ZBTB7C: variants seen among roughly 807,000 people sequenced by gnomAD.
ZBTB7C encodes zinc finger and BTB domain-containing protein 7C.
ZBTB7C carries 8 observed loss-of-function variants against 25.7 expected under a neutral mutation model. The observed-to-expected ratio is 0.31, with a 90% CI of 0.18 to 0.56. ZBTB7C has a LOEUF of 0.56. ZBTB7C is among the 20% of genes least tolerant of loss of function. The pLI is 0.91. For missense variants in ZBTB7C, 824 were observed against 855.2 expected (o/e 0.96, Z 0.46); for synonymous variants, 394 against 369.0 (o/e 1.07, Z -0.78).
intron 2 of ZBTB7C, among the ~76,000 whole-genome samples, chr18:48,261,559 A>G (rs1044394896): frequency 1.2e-4 from 19 of 152,214 alleles, no homozygotes; most frequent in African/African-American, 4.1e-4. Flanking sequence ...GTTGTGCAAA[A>G]TAAGAGTTCA....
At chr18:48,199,243 G>A (rs767381934) in intron 2 of ZBTB7C, among the ~76,000 whole-genome samples, 1 of 152,202 alleles carries the variant, frequency 6.6e-6, no homozygotes, top group Non-Finnish European at 1.5e-5. Context: ...CAGTCTGGAA[G>A]CTCTTGTATA....
At chr18:48,340,332 C>T (rs1380330000) in intron 1 of ZBTB7C, among the ~76,000 whole-genome samples, 3 of 152,198 alleles carry the variant, frequency 2.0e-5, no homozygotes, top group African/African-American at 7.2e-5. Context: ...AACTTCAAAC[C>T]TTAATGGCAG....
chr18:48,391,554 G>A (rs763549182), intron 1 of ZBTB7C, among the ~76,000 whole-genome samples: 2 of 152,008 alleles, frequency 1.3e-5, no homozygotes, highest in East Asian at 1.9e-4. Flanking sequence ...ATGACTTAAC[G>A]AATTACCATG....
At chr18:48,157,697 C>T (rs2040878909) in intron 3 of ZBTB7C, among the ~76,000 whole-genome samples, 1 of 152,198 alleles carries the variant, frequency 6.6e-6, no homozygotes, top group African/African-American at 2.4e-5. Context: ...TTTAGTCTCT[C>T]TCTGCCTCAG....
chr18:48,061,632 C>T (rs2037129596), intron 3 of ZBTB7C, among the ~76,000 whole-genome samples: 1 of 152,216 alleles, frequency 6.6e-6, no homozygotes, highest in Non-Finnish European at 1.5e-5. Context: ...TAGGTAAAAT[C>T]ATTACGGAAT....
intron 3 of ZBTB7C, among the ~76,000 whole-genome samples, chr18:48,067,164 C>T (rs920305721): frequency 1.3e-5 from 2 of 152,152 alleles, no homozygotes; most frequent in South Asian, 4.1e-4. Context: ...TATTCCCTGC[C>T]AAAATGAATG....
chr18:48,329,967 G>A (rs1192180349), intron 2 of ZBTB7C, among the ~76,000 whole-genome samples: 1 of 152,210 alleles, frequency 6.6e-6, no homozygotes, highest in Non-Finnish European at 1.5e-5. Flanking sequence ...GGCTCAGGGA[G>A]ACTGTCACCT....
intron 2 of ZBTB7C, among the ~76,000 whole-genome samples, chr18:48,236,630 CA>C (rs1449584717): frequency 4.6e-5 from 7 of 152,038 alleles, no homozygotes; most frequent in African/African-American, 1.7e-4. Flanking sequence ...CCTCCTAAAG[CA>C]AAAGATTGAG....
chr18:48,086,772 C>T (rs1453719644), intron 3 of ZBTB7C, among the ~76,000 whole-genome samples: 1 of 152,106 alleles, frequency 6.6e-6, no homozygotes, highest in Non-Finnish European at 1.5e-5. Context: ...GTTAAGTGAA[C>T]GAATGTGTGA....
chr18:48,056,024 T>TATAATAAAAAAAAAAAAAA (rs2036903326), intron 3 of ZBTB7C, among the ~76,000 whole-genome samples: 1 of 152,080 alleles, frequency 6.6e-6, no homozygotes, highest in Non-Finnish European at 1.5e-5. Flanking sequence ...GGTTAAAAAG[T>TATAATAAAAAAAAAAAAAA]AAAAAGAAGA....
rs188060931 is a variant in ZBTB7C, at chr18:48,178,810, G to A, written c.-17+7124C>T. Reference sequence around the variant, plus strand: ...TGTAATGACAGAAAAACCCTGGCCTGCTCTGTGTCTGAGACACTGACAGAT... The same window carrying A: ...TGTAATGACAGAAAAACCCTGGCCTACTCTGTGTCTGAGACACTGACAGAT... On this transcript the variant is annotated intron_variant, in intron 3 of 4. Coordinates refer to ENST00000590800, the MANE Select transcript of ZBTB7C (RefSeq NM_001318841.2). 2.6e-4 allele frequency among the ~76,000 whole-genome samples: 40 copies of A among 152,250 alleles called. 1 individual carries two copies. The highest frequency in any genetic ancestry group is 2.2e-3 in the Admixed American group (33 of 15,302).
At chr18:48,266,573 T>C (rs1038958427) in intron 2 of ZBTB7C, among the ~76,000 whole-genome samples, 1 of 152,220 alleles carries the variant, frequency 6.6e-6, no homozygotes, top group Non-Finnish European at 1.5e-5. Context: ...TTACTCATCA[T>C]TGTAAAAGAA....
chr18:48,358,168 A>G (rs1247597603), intron 1 of ZBTB7C, among the ~76,000 whole-genome samples: 1 of 152,110 alleles, frequency 6.6e-6, no homozygotes, highest in African/African-American at 2.4e-5. Context: ...CTGGCCAACA[A>G]TGGTGAAACC....
chr18:48,178,140 C>T (rs1456602113), intron 3 of ZBTB7C, among the ~76,000 whole-genome samples: 1 of 152,180 alleles, frequency 6.6e-6, no homozygotes, highest in Non-Finnish European at 1.5e-5. Context: ...TGGCACTGGC[C>T]TTTGAACTCA....
At chr18:48,387,276 AAGGTAAAGTGTGCCG>A (rs1309879274) in intron 1 of ZBTB7C, among the ~76,000 whole-genome samples, 1 of 152,176 alleles carries the variant, frequency 6.6e-6, no homozygotes, top group East Asian at 1.9e-4. Context: ...TTTTGGTAGA[AAGGTAAAGTGTGCCG>A]AATAGCATTC....
At chr18:48,082,207 C>T (rs1286218483) in intron 3 of ZBTB7C, among the ~76,000 whole-genome samples, 1 of 152,154 alleles carries the variant, frequency 6.6e-6, no homozygotes, top group African/African-American at 2.4e-5. Context: ...CTTGCACAGC[C>T]TATTTGGAGA....
At chr18:48,087,962 GAA>G (rs1350695003) in intron 3 of ZBTB7C, among the ~76,000 whole-genome samples, 5 of 150,630 alleles carry the variant, frequency 3.3e-5, no homozygotes, top group African/African-American at 9.8e-5. Context: ...GCTTACTTTT[GAA>G]AAGACTAAAA....
chr18:48,038,841 G>A (rs78188878), intron 4 of ZBTB7C, among the ~76,000 whole-genome samples: 144 of 152,252 alleles, frequency 9.5e-4, no homozygotes, highest in African/African-American at 3.4e-3. Flanking sequence ...GCCAGGCTCT[G>A]TACACACAGG....
At chr18:48,379,901 T>C (rs1011458783) in intron 1 of ZBTB7C, among the ~76,000 whole-genome samples, 3 of 152,094 alleles carry the variant, frequency 2.0e-5, no homozygotes, top group African/African-American at 7.2e-5. Flanking sequence ...GGTAAGGAAA[T>C]TGTGCATTTA....
Sources: allele counts gnomAD v4.1 joint callset (sites outside exome capture counted in the v4.1 genomes callset), GRCh38; gene constraint gnomAD v4.1.1; transcripts MANE v1.5; gene names NCBI Gene and HGNC (gene_info 2026-07-23, HGNC 2026-07-21).